The following SBF2 variants were observed in gnomAD, a reference collection of about 807,000 sequenced individuals.
SBF2 encodes the protein SET binding factor 2, also known as myotubularin-related protein 13.
In SBF2, 112 loss-of-function variants were observed where a neutral mutation model predicts 225.2. That is an observed-to-expected ratio of 0.50 (90% confidence interval 0.43 to 0.58). The LOEUF (loss-of-function observed/expected upper bound fraction) is 0.58, where lower values mean the gene tolerates loss of function less well. Ranked by LOEUF, SBF2 falls within the 20% of genes least tolerant of loss-of-function variation. The pLI is 0.00. For synonymous variants in SBF2, 763 were observed against 773.3 expected (o/e 0.99, Z 0.22); for missense variants, 1,996 against 2,206.2 (o/e 0.90, Z 1.91).
intron 9 of SBF2, among the ~76,000 whole-genome samples, chr11:9,997,818 T>A (rs1289753485): frequency 6.6e-6 from 1 of 152,226 alleles, no homozygotes; most frequent in Non-Finnish European, 1.5e-5. Flanking sequence ...TGTATCAATA[T>A]GACACATCTT....
intron 2 of SBF2, among the ~76,000 whole-genome samples, chr11:10,048,633 TA>T (rs936561906): frequency 6.6e-6 from 1 of 152,192 alleles, no homozygotes; most frequent in Non-Finnish European, 1.5e-5. Context: ...GATAAAGATC[TA>T]AGACAATTTG....
chr11:10,109,189 A>G (rs557666939), intron 2 of SBF2, among the ~76,000 whole-genome samples: 28 of 150,930 alleles, frequency 1.9e-4, no homozygotes, highest in Admixed American at 4.6e-4. Flanking sequence ...GTATGTGTGT[A>G]TATATATATA....
chr11:10,258,726 G>C (rs986150210), intron 1 of SBF2, among the ~76,000 whole-genome samples: 8 of 152,180 alleles, frequency 5.3e-5, no homozygotes, highest in African/African-American at 1.9e-4. Context: ...GAGATAACTG[G>C]ACAGAATAGG....
intron 2 of SBF2, among the ~76,000 whole-genome samples, chr11:10,061,513 T>C (rs920356488): frequency 2.0e-5 from 3 of 152,006 alleles, no homozygotes; most frequent in African/African-American, 7.2e-5. Flanking sequence ...AAAATCAATA[T>C]ACGAAAATCA....
chr11:10,295,904 T>C (rs1010136241), upstream of SBF2, among the ~76,000 whole-genome samples: 16 of 152,214 alleles, frequency 1.1e-4, no homozygotes, highest in Non-Finnish European at 2.2e-4. Context: ...TCACATATTG[T>C]AAAATTAGCC....
intron 2 of SBF2, among the ~76,000 whole-genome samples, chr11:10,054,621 C>T (rs1950186754): frequency 6.6e-6 from 1 of 152,118 alleles, no homozygotes; most frequent in South Asian, 2.1e-4. Context: ...AGTGAACAGA[C>T]AACTTATAGA....
chr11:9,846,489 C>G (rs533478342), intron 23 of SBF2, among the ~76,000 whole-genome samples: 151 of 152,302 alleles, frequency 9.9e-4, no homozygotes, highest in African/African-American at 3.5e-3. Flanking sequence ...CTACAAAGTT[C>G]TGATACAGTC....
chr11:9,954,151 T>A (rs1187745961), intron 16 of SBF2, among the ~76,000 whole-genome samples: 1 of 152,202 alleles, frequency 6.6e-6, no homozygotes, highest in Non-Finnish European at 1.5e-5. Context: ...TGAAATAACC[T>A]GATAAACAGC....
intron 2 of SBF2, among the ~76,000 whole-genome samples, chr11:10,100,289 G>A (rs1952223899): frequency 6.6e-6 from 1 of 152,192 alleles, no homozygotes; most frequent in Non-Finnish European, 1.5e-5. Context: ...CTCTGCCTAG[G>A]CAGCGGGCAG....
intron 2 of SBF2, among the ~76,000 whole-genome samples, chr11:10,154,490 C>T (rs765174430): frequency 5.3e-5 from 8 of 152,030 alleles, no homozygotes; most frequent in Non-Finnish European, 1.0e-4. Context: ...TTTCAGTTCT[C>T]GTATTTGATG....
chr11:9,940,274 G>A (rs187483633), intron 16 of SBF2, among the ~76,000 whole-genome samples: 15 of 152,178 alleles, frequency 9.9e-5, no homozygotes, highest in South Asian at 4.1e-4. Flanking sequence ...GCATGGTGGC[G>A]GGCACCTGTA....
At chr11:10,063,775 T>C (rs1950529111) in intron 2 of SBF2, among the ~76,000 whole-genome samples, 1 of 151,472 alleles carries the variant, frequency 6.6e-6, no homozygotes, top group Non-Finnish European at 1.5e-5. Flanking sequence ...TTAGATGCTA[T>C]GGAAGAAAAG....
chr11:10,182,756 G>A (rs12291136), intron 2 of SBF2, among the ~76,000 whole-genome samples: 36 of 142,624 alleles, frequency 2.5e-4, no homozygotes, highest in African/African-American at 9.8e-4. Context: ...TGTTGTTGTT[G>A]TTATTGTTTG....
intron 1 of SBF2, among the ~76,000 whole-genome samples, chr11:10,269,397 G>A (rs1962280567): frequency 1.3e-5 from 2 of 152,192 alleles, no homozygotes; most frequent in Non-Finnish European, 2.9e-5. Context: ...AAAGTAGAGG[G>A]TAGGGTAACT....
intron 8 of SBF2, among the ~76,000 whole-genome samples, chr11:9,998,726 C>T (rs1947816859): frequency 6.6e-6 from 1 of 152,206 alleles, no homozygotes; most frequent in African/African-American, 2.4e-5. Context: ...CTTCAGCATA[C>T]ACATGATGAC....
chr11:10,211,014 CAAAAAA>C lies in SBF2; in HGVS notation c.56-17033_56-17028del, dbSNP rs1230619092. Among the ~76,000 whole-genome samples, 168 of 33,064 alleles carry C rather than the reference CAAAAAA, an allele frequency of 5.1e-3. 6 individuals carry two copies. The highest frequency in any genetic ancestry group is 0.012 in the African/African-American group (152 of 12,352). The allele number at this position is 33,064 out of a possible 152,430, so 21.7% of individuals were successfully genotyped here. A position where few individuals can be genotyped will look rare whatever the true frequency, so the allele number is the denominator to read the frequency against. ...GGCGACAAGAGCAAGACTCTTGACT[CAAAAAA>C]AAAAAAAAAAAAAAAGAGCCTCTTG... is the stretch of plus-strand genomic sequence containing the variant. On this transcript the variant is annotated intron_variant, in intron 1 of 39. Transcript: ENST00000256190.
Position 9,858,112 on chromosome 11 carries a change from A to ACTG in SBF2, c.2100+113_2100+114insCAG. Reference sequence around the variant, plus strand: ...GATATCACAGGGCTCCCTAAATAAAACCCAAATACACTGGCAGGAAGTAGC... The same window carrying ACTG: ...GATATCACAGGGCTCCCTAAATAAAACTGCCCAAATACACTGGCAGGAAGTAGC... On this transcript the variant is annotated intron_variant, in intron 18 of 39. Coordinates refer to ENST00000256190, the MANE Select transcript of SBF2 (RefSeq NM_030962.4). 5.0e-6 allele frequency: 6 copies of ACTG among 1,195,516 alleles called. No individual in the cohort carries two copies. In the South Asian group the frequency reaches 7.3e-5, roughly 15 times the overall value. The allele number at this position is 1,195,516 out of a possible 1,614,324, so 74.1% of individuals were successfully genotyped here.
At chr11:9,997,037 A>G (rs1947733812) in intron 9 of SBF2, among the ~76,000 whole-genome samples, 1 of 152,240 alleles carries the variant, frequency 6.6e-6, no homozygotes. Flanking sequence ...TACAAATTAT[A>G]TAAGGAAAAG....
intron 2 of SBF2, among the ~76,000 whole-genome samples, chr11:10,174,590 G>A (rs1435655623): frequency 6.6e-6 from 1 of 152,178 alleles, no homozygotes; most frequent in Non-Finnish European, 1.5e-5. Context: ...ACACTCTGCA[G>A]GATATCATCC....
Sources: gnomAD v4.1 joint callset for allele counts (sites outside exome capture counted in the v4.1 genomes callset) on GRCh38, gnomAD v4.1.1 for gene constraint, MANE v1.5 for transcripts, NCBI Gene and HGNC (gene_info 2026-07-23, HGNC 2026-07-21) for gene names.